Variants in PLEKHM3 observed in about 807,000 individuals in gnomAD.
PLEKHM3 encodes pleckstrin homology domain containing M3.
In PLEKHM3, 45 loss-of-function variants were observed where a neutral mutation model predicts 81.8. The observed-to-expected ratio is 0.55, with a 90% CI of 0.43 to 0.71. The LOEUF is 0.71. PLEKHM3 is among the 30% of genes least tolerant of loss of function. The pLI, the probability that PLEKHM3 is intolerant of heterozygous loss-of-function variation, is 0.00. For synonymous variants in PLEKHM3, 352 were observed against 356.4 expected (o/e 0.99, Z 0.14); for missense variants, 788 against 924.3 (o/e 0.85, Z 1.91).
intron 7 of PLEKHM3, among the ~76,000 whole-genome samples, chr2:207,854,967 TCA>T (rs2092430370): frequency 6.6e-6 from 1 of 152,134 alleles, no homozygotes; most frequent in South Asian, 2.1e-4. Context: ...AAGCCAAGTC[TCA>T]CAAAAGATTC....
intron 1 of PLEKHM3, among the ~76,000 whole-genome samples, chr2:208,020,924 C>T (rs1191022361): frequency 2.6e-5 from 4 of 152,136 alleles, no homozygotes; most frequent in African/African-American, 9.7e-5. Flanking sequence ...CTGCTGGAAA[C>T]TGACTAGAGA....
At chr2:207,969,814 T>C (rs1691048518) in intron 3 of PLEKHM3, among the ~76,000 whole-genome samples, 1 of 152,192 alleles carries the variant, frequency 6.6e-6, no homozygotes, top group Admixed American at 6.5e-5. Context: ...GGCTAAAAAT[T>C]TGAGTTTTTA....
chr2:207,918,814 TAA>T (rs981030308), intron 5 of PLEKHM3, among the ~76,000 whole-genome samples: 1 of 152,152 alleles, frequency 6.6e-6, no homozygotes, highest in African/African-American at 2.4e-5. Flanking sequence ...ATATAACAGA[TAA>T]AAAGTCATGA....
chr2:208,008,387 G>A (rs886517306), intron 1 of PLEKHM3, among the ~76,000 whole-genome samples: 7 of 149,342 alleles, frequency 4.7e-5, no homozygotes, highest in African/African-American at 1.2e-4. Context: ...AAATAAATAG[G>A]TGTACTTTTA....
At chr2:207,853,493 G>GGGA (rs1445953088) in intron 7 of PLEKHM3, among the ~76,000 whole-genome samples, 1 of 151,982 alleles carries the variant, frequency 6.6e-6, no homozygotes, top group Non-Finnish European at 1.5e-5. Context: ...CAGCACTTTG[G>GGGA]GAGGCTGAGG....
At chr2:207,943,338 C>G (rs541154276) in intron 4 of PLEKHM3, among the ~76,000 whole-genome samples, 15 of 152,298 alleles carry the variant, frequency 9.8e-5, no homozygotes, top group Middle Eastern at 6.8e-3. Flanking sequence ...GTCATACAGC[C>G]TGTTTCCATA....
intron 1 of PLEKHM3, among the ~76,000 whole-genome samples, chr2:208,019,934 C>T (rs1200375552): frequency 6.6e-6 from 1 of 152,208 alleles, no homozygotes; most frequent in Non-Finnish European, 1.5e-5. Context: ...AGAAGTTGTT[C>T]TGGAAATGTT....
chr2:207,969,305 T>C (rs978918525), intron 3 of PLEKHM3, among the ~76,000 whole-genome samples: 3 of 152,244 alleles, frequency 2.0e-5, no homozygotes, highest in African/African-American at 7.2e-5. Flanking sequence ...TAAGAATTGC[T>C]ATTCTACATG....
intron 2 of PLEKHM3, among the ~76,000 whole-genome samples, chr2:207,979,565 T>C (rs1327266937): frequency 6.7e-6 from 1 of 148,248 alleles, no homozygotes; most frequent in Non-Finnish European, 1.5e-5. Flanking sequence ...AGAAAGAAAA[T>C]GACATCCATG....
intron 2 of PLEKHM3, among the ~76,000 whole-genome samples, chr2:207,987,346 A>AC (rs1691761934): frequency 6.6e-6 from 1 of 152,170 alleles, no homozygotes; most frequent in Admixed American, 6.5e-5. Context: ...CACTCTAGCC[A>AC]CCGACTCTAA....
At chr2:207,828,640 A>AAT in intron 7 of PLEKHM3, 144 bp from the exon 8 acceptor site, 1 of 761,406 alleles carries the variant, frequency 1.3e-6, no homozygotes, top group Non-Finnish European at 2.1e-6. Context: ...GACTCACTGA[A>AAT]ATGAACTGTT....
intron 4 of PLEKHM3, among the ~76,000 whole-genome samples, chr2:207,941,261 C>T (rs987158246): frequency 6.6e-6 from 1 of 152,110 alleles, no homozygotes; most frequent in African/African-American, 2.4e-5. Context: ...AGCAAGGTGG[C>T]ATCAAAACAG....
intron 3 of PLEKHM3, among the ~76,000 whole-genome samples, chr2:207,974,316 C>G: frequency 6.6e-6 from 1 of 152,154 alleles, no homozygotes; most frequent in Non-Finnish European, 1.5e-5. Flanking sequence ...TGAATGGCAC[C>G]TTCTTACCTA....
rs1690131373 is a variant in PLEKHM3 at position 207,946,406 on chromosome 2, T to C, written c.1653A>G (p.Pro551=). 6.2e-7 allele frequency: 1 copy of C among 1,614,116 alleles called. No homozygotes were observed. Residue 551 remains proline (P), a synonymous_variant, in exon 4 of 8, where the codon CCA becomes CCG. Coordinates refer to ENST00000427836, the MANE Select transcript of PLEKHM3 (RefSeq NM_001080475.3). ...SCHVDDSFLI[P]ARIVHNWDTS... is the part of the protein sequence containing the mutation. ...TATCCCAGTTGTGGACTATGCGTGC[T>C]GGAATGAGAAAGCTGTCATCCACGT...
At chr2:207,857,365 T>A (rs947290511) in intron 7 of PLEKHM3, among the ~76,000 whole-genome samples, 1 of 152,210 alleles carries the variant, frequency 6.6e-6, no homozygotes, top group Non-Finnish European at 1.5e-5. Flanking sequence ...TTGGCAATTT[T>A]TTTTTTGCAA....
intron 3 of PLEKHM3, among the ~76,000 whole-genome samples, chr2:207,956,718 ATTTTTTTTTTTTTTTT>A (rs1170073686): frequency 1.2e-4 from 8 of 69,108 alleles, no homozygotes; most frequent in Non-Finnish European, 1.7e-4. Flanking sequence ...GCTGATTAAA[ATTTTTTTTTTTTTTTT>A]TTTTTTTTTT....
In PLEKHM3 at chr2:207,900,871, T is replaced by C. The variant is rs1306499484; in HGVS notation, c.1950+7643A>G. ...CGATGCTAACCTTACTCTATATCTTTAAGTAAATGTTCTTTGAAAACAGGC... is the reference window on the plus strand; with the variant it reads ...CGATGCTAACCTTACTCTATATCTTCAAGTAAATGTTCTTTGAAAACAGGC... On this transcript the variant is annotated intron_variant, in intron 6 of 7. Coordinates refer to ENST00000427836, the MANE Select transcript of PLEKHM3 (RefSeq NM_001080475.3). The C allele has an allele frequency of 5.6e-5, 10 of 179,856 alleles. No individual in the cohort carries two copies. The East Asian group carries it at 1.5e-3, about 27-fold the overall frequency. 11.1% of individuals were successfully genotyped at this position (179,856 alleles called of 1,614,324 possible).
chr2:207,915,006 C>G (rs1688937908), intron 5 of PLEKHM3, among the ~76,000 whole-genome samples: 1 of 152,184 alleles, frequency 6.6e-6, no homozygotes, highest in African/African-American at 2.4e-5. Flanking sequence ...ACTCGCCCAT[C>G]AAAGGAAACG....
intron 2 of PLEKHM3, among the ~76,000 whole-genome samples, chr2:207,992,061 T>C (rs1220916388): frequency 1.3e-5 from 2 of 152,218 alleles, no homozygotes; most frequent in African/African-American, 4.8e-5. Flanking sequence ...TTGGCCAAGG[T>C]TATACCACAA....
Sources: allele counts gnomAD v4.1 joint callset (sites outside exome capture counted in the v4.1 genomes callset), GRCh38; gene constraint gnomAD v4.1.1; transcripts MANE v1.5; gene names NCBI Gene and HGNC (gene_info 2026-07-23, HGNC 2026-07-21).